Variants in FLI1 observed in about 807,000 individuals in gnomAD.
The protein encoded by FLI1 is Friend leukemia integration 1 transcription factor.
Under a neutral mutation model 53.1 loss-of-function variants are expected in FLI1, and 13 were observed. That is an observed-to-expected ratio of 0.24 (90% CI 0.16 to 0.39). The LOEUF is 0.39. Ranked by LOEUF, FLI1 falls within the 10% of genes least tolerant of loss-of-function variation. The probability of loss-of-function intolerance (pLI) is 1.00; values close to 1 mark genes in which losing one functional copy is unlikely to be tolerated. For missense variants in FLI1, 424 were observed against 600.5 expected (o/e 0.71, Z 3.07); for synonymous variants, 244 against 236.7 (o/e 1.03, Z -0.28).
intron 1 of FLI1, among the ~76,000 whole-genome samples, chr11:128,756,853 G>C (rs1479344944): frequency 6.6e-6 from 1 of 152,128 alleles, no homozygotes; most frequent in Non-Finnish European, 1.5e-5. Context: ...CTCATGTTTT[G>C]ATTGGTAGCA....
chr11:128,729,095 ATTC>A (rs1388664801), intron 1 of FLI1, among the ~76,000 whole-genome samples: 1 of 152,166 alleles, frequency 6.6e-6, no homozygotes, highest in Non-Finnish European at 1.5e-5. Flanking sequence ...AGCTGCAGGG[ATTC>A]TTCTGCTAGG....
chr11:128,748,493 C>T (rs552508205), intron 1 of FLI1, among the ~76,000 whole-genome samples: 12 of 152,116 alleles, frequency 7.9e-5, no homozygotes, highest in East Asian at 1.9e-4. Context: ...ATTAGATGGG[C>T]GTGGTGGTGG....
intron 1 of FLI1, among the ~76,000 whole-genome samples, chr11:128,754,531 G>C (rs749468692): frequency 1.3e-5 from 2 of 152,228 alleles, no homozygotes; most frequent in Non-Finnish European, 2.9e-5. Flanking sequence ...AGAATAGTTA[G>C]AATTGGACAC....
chr11:128,801,143 GGCACCACATTCGAGAGGGCCTCCAT>G (rs1174417472), intron 5 of FLI1, among the ~76,000 whole-genome samples: 1 of 152,346 alleles, frequency 6.6e-6, no homozygotes, highest in East Asian at 1.9e-4. Flanking sequence ...GCAGACTCCA[GGCACCACATTCGAGAGGGCCTCCAT>G]GCACGCTCAG....
At chr11:128,782,122 C>A in intron 5 of FLI1, 99 bp downstream of exon 5, 2 of 1,050,028 alleles carry the variant, frequency 1.9e-6, no homozygotes, top group Non-Finnish European at 2.9e-6. Flanking sequence ...CTTGCGTGTT[C>A]CACTCAACTT....
intron 1 of FLI1, among the ~76,000 whole-genome samples, chr11:128,716,423 T>C (rs1939017494): frequency 6.6e-6 from 1 of 152,192 alleles, no homozygotes; most frequent in Admixed American, 6.5e-5. Flanking sequence ...GTATTTGGCA[T>C]TGACTTTCAT....
At chr11:128,690,841 C>T (rs996258745), upstream of FLI1, among the ~76,000 whole-genome samples, 37 of 152,118 alleles carry the variant, frequency 2.4e-4, no homozygotes, top group Non-Finnish European at 4.7e-4. Flanking sequence ...ACTTGAAAAC[C>T]AGCCCCGAGC....
intron 1 of FLI1, among the ~76,000 whole-genome samples, chr11:128,727,535 G>C (rs1038649032): frequency 6.6e-6 from 1 of 152,240 alleles, no homozygotes; most frequent in African/African-American, 2.4e-5. Context: ...GTCTAGAGTA[G>C]TGGTTGCGGA....
intron 1 of FLI1, among the ~76,000 whole-genome samples, chr11:128,705,595 G>A (rs767527902): frequency 6.6e-6 from 1 of 152,116 alleles, no homozygotes; most frequent in Non-Finnish European, 1.5e-5. Context: ...GTTTTGCGAG[G>A]TTAAAAGGAA....
intron 1 of FLI1, among the ~76,000 whole-genome samples, chr11:128,735,110 C>G (rs1396096097): frequency 2.0e-5 from 3 of 152,158 alleles, no homozygotes; most frequent in Admixed American, 6.5e-5. Context: ...ATCCTGCCTT[C>G]TTCTCCAGTT....
chr11:128,707,977 C>T (rs1938622628), intron 1 of FLI1, among the ~76,000 whole-genome samples: 1 of 152,112 alleles, frequency 6.6e-6, no homozygotes, highest in African/African-American at 2.4e-5. Flanking sequence ...AAATGTTGTT[C>T]AGACATTTGC....
At chr11:128,715,072 C>G (rs146550731) in intron 1 of FLI1, among the ~76,000 whole-genome samples, 4 of 152,090 alleles carry the variant, frequency 2.6e-5, no homozygotes, top group African/African-American at 7.2e-5. Context: ...ATGACTCGCA[C>G]GCACCCAGTG....
At chr11:128,704,804 C>G (rs1005878689) in intron 1 of FLI1, among the ~76,000 whole-genome samples, 4 of 152,106 alleles carry the variant, frequency 2.6e-5, no homozygotes, top group Admixed American at 1.3e-4. Context: ...TAGTACTCAC[C>G]TAAGAGAAAG....
At chr11:128,799,015 T>TTA (rs1942534336) in intron 5 of FLI1, among the ~76,000 whole-genome samples, 1 of 146,206 alleles carries the variant, frequency 6.8e-6, no homozygotes, top group Non-Finnish European at 1.5e-5. Flanking sequence ...ACGATTTATT[T>TTA]TATTATATTA....
At chr11:128,766,433 T>C (rs1055616532) in intron 2 of FLI1, among the ~76,000 whole-genome samples, 1 of 152,190 alleles carries the variant, frequency 6.6e-6, no homozygotes, top group African/African-American at 2.4e-5. Flanking sequence ...ACATCTTATT[T>C]TCATTTTCAG....
rs762467076 is a variant in FLI1, at chr11:128,811,027, C to T, written c.*39C>T. The T allele has an allele frequency of 1.9e-6, 3 of 1,597,932 alleles. No homozygotes were observed. The highest frequency in any genetic ancestry group is 2.2e-5 in the South Asian group (2 of 90,762). On this transcript the variant is annotated 3_prime_UTR_variant, in exon 9 of 9. Transcript: ENST00000527786. ...AGTGGCCTTCTAGCTGAAGCCCATC[C>T]TGCACACTTACTGGATGCTTTGGAC...
At chr11:128,736,973 C>T (rs1202549193) in intron 1 of FLI1, among the ~76,000 whole-genome samples, 1 of 152,160 alleles carries the variant, frequency 6.6e-6, no homozygotes, top group Non-Finnish European at 1.5e-5. Context: ...AACAAACAAA[C>T]AACCATGCCA....
chr11:128,774,240 G>T (rs1435929555), intron 4 of FLI1, among the ~76,000 whole-genome samples: 1 of 152,188 alleles, frequency 6.6e-6, no homozygotes, highest in African/African-American at 2.4e-5. Flanking sequence ...GTGCCTCTGT[G>T]CTCTCTGGTC....
intron 4 of FLI1, among the ~76,000 whole-genome samples, chr11:128,776,004 T>C (rs1941716701): frequency 6.6e-6 from 1 of 152,168 alleles, no homozygotes; most frequent in African/African-American, 2.4e-5. Flanking sequence ...TTATAGAAAG[T>C]CTAGAAAAAG....
Sources: allele counts gnomAD v4.1 joint callset (sites outside exome capture counted in the v4.1 genomes callset), GRCh38; gene constraint gnomAD v4.1.1; transcripts MANE v1.5; gene names NCBI Gene and HGNC (gene_info 2026-07-23, HGNC 2026-07-21).